PLA2G4C: variants seen among roughly 807,000 people sequenced by gnomAD.
PLA2G4C encodes phospholipase A2 group IVC.
Under a neutral mutation model 73.8 loss-of-function variants are expected in PLA2G4C, and 64 were observed. That is an observed-to-expected ratio of 0.87 (90% confidence interval 0.71 to 1.07). The LOEUF (loss-of-function observed/expected upper bound fraction) is 1.07. Ranked by LOEUF, PLA2G4C falls within the 50% of genes least tolerant of loss-of-function variation. The pLI, the probability that PLA2G4C is intolerant of heterozygous loss-of-function variation, is 0.00. For synonymous variants in PLA2G4C, 254 were observed against 252.1 expected, an observed-to-expected ratio of 1.01 and a Z score of -0.07; for missense variants, 622 against 665.4, an observed-to-expected ratio of 0.93 and a Z score of 0.72.
At chr19:48,085,898 A>G (rs1482432204) in intron 9 of PLA2G4C, among the ~76,000 whole-genome samples, 1 of 152,050 alleles carries the variant, frequency 6.6e-6, no homozygotes, top group Non-Finnish European at 1.5e-5. Flanking sequence ...TATAAGTAGG[A>G]GCTGTGGGAA....
chr19:48,095,630 G>A, intron 6 of PLA2G4C, 26 bp from the exon 7 acceptor site: 3 of 1,612,884 alleles, frequency 1.9e-6, no homozygotes, highest in Non-Finnish European at 2.5e-6. Flanking sequence ...AACGGCAAGT[G>A]AGTCCCAGCA....
At chr19:48,058,293 C>A (rs983124765) in intron 14 of PLA2G4C, among the ~76,000 whole-genome samples, 2 of 151,270 alleles carry the variant, frequency 1.3e-5, no homozygotes, top group African/African-American at 4.9e-5. Flanking sequence ...GAGCGAAACT[C>A]CGTCTCAAAA....
At chr19:48,101,126 A>ATATATATTTT (rs1491313107) in intron 4 of PLA2G4C, among the ~76,000 whole-genome samples, 20 of 74,128 alleles carry the variant, frequency 2.7e-4, no homozygotes, top group African/African-American at 5.1e-4. Context: ...ATATATATAT[A>ATATATATTTT]TTTTTTTTTT....
Position 48,104,704 on chromosome 19 carries a change from C to A in PLA2G4C, c.141G>T (p.Leu47=). The A allele has an allele frequency of 6.2e-7, 1 of 1,614,074 alleles. No homozygotes were observed. The highest frequency in any genetic ancestry group is 8.5e-7 in the Non-Finnish European group (1 of 1,180,010). The change falls in exon 4 of 17, where the codon CTG becomes CTT. Residue 47 remains leucine, a synonymous_variant. Transcript: ENST00000599921. The part of the protein sequence containing the change: ...EADEAPVVAV[L]GSGGGLRAHI... ...GAGCCCGCAGTCCTCCGCCTGAGCC[C>A]AGCACAGCAACAACTGGGGCCTAGG...
Position 48,110,648 on chromosome 19 carries a change from C to T in PLA2G4C, c.-194G>A. On this transcript the variant is annotated 5_prime_UTR_variant, in exon 1 of 17. Coordinates refer to ENST00000599921, the MANE Select transcript of PLA2G4C (RefSeq NM_003706.3). ...ACTGCGGGGATCCTCGGTGCCAAAG[C>T]TTCTGTGGTCCTCCTGCTTTCCTTT... 1 of 506,504 alleles carries T rather than the reference C, an allele frequency of 2.0e-6. No homozygotes were observed. Among genetic ancestry groups the T allele is most frequent in the Non-Finnish European group, 2.8e-6 (1 of 354,964 alleles). The allele number at this position is 506,504 out of a possible 1,614,324, so 31.4% of individuals were successfully genotyped here.
intron 6 of PLA2G4C, 42 bp from the exon 7 acceptor site, chr19:48,095,646 C>T (rs368076784): frequency 1.9e-6 from 3 of 1,607,164 alleles, no homozygotes; most frequent in Non-Finnish European, 2.6e-6. Flanking sequence ...CAGCACAGAA[C>T]CAGGAATGTA....
At chr19:48,102,497 GA>G (rs2031971268) in intron 4 of PLA2G4C, among the ~76,000 whole-genome samples, 1 of 151,362 alleles carries the variant, frequency 6.6e-6, no homozygotes, top group Non-Finnish European at 1.5e-5. Context: ...GTCTCCAGAA[GA>G]AAAAAAGAAA....
chr19:48,077,275 T>C (rs2030228087), intron 11 of PLA2G4C, among the ~76,000 whole-genome samples: 1 of 152,062 alleles, frequency 6.6e-6, no homozygotes, highest in Admixed American at 6.6e-5. Flanking sequence ...CACAAATCAG[T>C]AGCACTGCTA....
chr19:48,070,409 C>T (rs1357933553), intron 12 of PLA2G4C, among the ~76,000 whole-genome samples: 1 of 152,202 alleles, frequency 6.6e-6, no homozygotes, highest in Non-Finnish European at 1.5e-5. Flanking sequence ...ATTCTACCTC[C>T]AGACTGGAGC....
At chr19:48,105,919 C>CCT (rs2032185930) in intron 2 of PLA2G4C, among the ~76,000 whole-genome samples, 1 of 14,538 alleles carries the variant, frequency 6.9e-5, no homozygotes, top group African/African-American at 8.3e-4. Flanking sequence ...CCCTCCCTCC[C>CCT]TCCCTCCCTC....
intron 4 of PLA2G4C, chr19:48,103,291 A>T (rs1401488919): frequency 6.6e-6 from 1 of 152,176 alleles, no homozygotes; most frequent in East Asian, 1.9e-4. Context: ...CCCCCACGCC[A>T]TGTCACTCAA....
intron 7 of PLA2G4C, among the ~76,000 whole-genome samples, chr19:48,094,531 C>G (rs1404258790): frequency 6.6e-6 from 1 of 152,152 alleles, no homozygotes; most frequent in Non-Finnish European, 1.5e-5. Context: ...ATACCTAACT[C>G]TCACACCCAC....
chr19:48,062,995 C>T (rs373661121), intron 13 of PLA2G4C, among the ~76,000 whole-genome samples: 47 of 152,200 alleles, frequency 3.1e-4, no homozygotes, highest in African/African-American at 1.1e-3. Flanking sequence ...GGTGGGACAA[C>T]TCAAAGCAGG....
intron 7 of PLA2G4C, among the ~76,000 whole-genome samples, chr19:48,093,867 A>G (rs894698864): frequency 6.6e-6 from 1 of 152,064 alleles, no homozygotes; most frequent in African/African-American, 2.4e-5. Context: ...ACGAGATCTG[A>G]TGGTTTGATA....
At chr19:48,058,051 C>T (rs999781348) in intron 14 of PLA2G4C, among the ~76,000 whole-genome samples, 25 of 151,858 alleles carry the variant, frequency 1.6e-4, no homozygotes, top group Non-Finnish European at 2.8e-4. Flanking sequence ...GTAATCCCAG[C>T]ACTTTGGGAG....
intron 14 of PLA2G4C, among the ~76,000 whole-genome samples, chr19:48,055,587 G>C (rs535663993): frequency 1.4e-4 from 22 of 151,808 alleles, no homozygotes; most frequent in Non-Finnish European, 2.8e-4. Context: ...AGATAAATGA[G>C]ATATTCTCCA....
chr19:48,061,749 G>A (rs772246917), intron 14 of PLA2G4C: 20 of 477,928 alleles, frequency 4.2e-5, no homozygotes, highest in Non-Finnish European at 6.5e-5. Flanking sequence ...ACGCAGAAGC[G>A]GGGAGAGTCA....
intron 7 of PLA2G4C, among the ~76,000 whole-genome samples, chr19:48,094,789 T>C (rs1361711623): frequency 2.0e-5 from 3 of 152,218 alleles, no homozygotes; most frequent in Admixed American, 6.5e-5. Flanking sequence ...TTGGTTTTTG[T>C]TGTAATTTTT....
chr19:48,094,420 C>T (rs1207670501), intron 7 of PLA2G4C, among the ~76,000 whole-genome samples: 1 of 152,140 alleles, frequency 6.6e-6, no homozygotes, highest in Admixed American at 6.6e-5. Flanking sequence ...TATCAGGCTC[C>T]TAGTGTGTCT....
Sources: gnomAD v4.1 joint callset for allele counts (sites outside exome capture counted in the v4.1 genomes callset) on GRCh38, gnomAD v4.1.1 for gene constraint, MANE v1.5 for transcripts, NCBI Gene and HGNC (gene_info 2026-07-23, HGNC 2026-07-21) for gene names.